The following NOS1AP variants were observed in gnomAD, a reference collection of about 807,000 sequenced individuals.
NOS1AP encodes nitric oxide synthase 1 adaptor protein, also known as carboxyl-terminal PDZ ligand of neuronal nitric oxide synthase protein.
Under a neutral mutation model 56.2 loss-of-function variants are expected in NOS1AP, and 21 were observed. The ratio of observed to expected loss-of-function variants is 0.37; its 90% CI spans 0.26 to 0.54. NOS1AP has a LOEUF of 0.54. Ranked by LOEUF, NOS1AP falls within the 20% of genes least tolerant of loss-of-function variation. The pLI is 0.84. For missense variants in NOS1AP, 522 were observed against 657.8 expected (o/e 0.79, Z 2.26); for synonymous variants, 270 against 274.6 (o/e 0.98, Z 0.17).
In NOS1AP at chr1:162,274,247, C is replaced by T. The variant is rs532566691; in HGVS notation, c.178-13097C>T. Among the ~76,000 whole-genome samples, 319 of 152,284 alleles carry T rather than the reference C, an allele frequency of 2.1e-3. 1 individual carries two copies. The highest frequency in any genetic ancestry group is 7.1e-3 in the African/African-American group (297 of 41,550). On this transcript the variant is annotated intron_variant, in intron 2 of 9. Coordinates refer to ENST00000361897, the MANE Select transcript of NOS1AP (RefSeq NM_014697.3). ...CGTCTGTTGTGCTGGACCCTGTTGACTTCAGTAGGGATGGCACCAGGTTCA... is the reference window on the plus strand; with the variant it reads ...CGTCTGTTGTGCTGGACCCTGTTGATTTCAGTAGGGATGGCACCAGGTTCA...
intron 1 of NOS1AP, among the ~76,000 whole-genome samples, chr1:162,084,671 T>C (rs1357402716): frequency 1.3e-5 from 2 of 152,018 alleles, no homozygotes; most frequent in African/African-American, 4.8e-5. Context: ...CCACAGTTTT[T>C]TTCTCTTCTC....
chr1:162,167,473 C>G (rs1650555201), intron 2 of NOS1AP, among the ~76,000 whole-genome samples: 1 of 152,198 alleles, frequency 6.6e-6, no homozygotes, highest in East Asian at 1.9e-4. Context: ...GAGAGCTGGG[C>G]TCTGGACCGG....
intron 2 of NOS1AP, among the ~76,000 whole-genome samples, chr1:162,222,991 C>A (rs1652830703): frequency 6.6e-6 from 1 of 152,160 alleles, no homozygotes; most frequent in East Asian, 1.9e-4. Flanking sequence ...ATGAATAAAC[C>A]CACCTGTTGT....
chr1:162,122,285 C>G (rs939207778), intron 1 of NOS1AP, among the ~76,000 whole-genome samples: 1 of 152,154 alleles, frequency 6.6e-6, no homozygotes, highest in African/African-American at 2.4e-5. Flanking sequence ...GTGAAATAAA[C>G]TCTTTGGTGG....
At chr1:162,114,705 G>T (rs1242981235) in intron 1 of NOS1AP, among the ~76,000 whole-genome samples, 1 of 152,142 alleles carries the variant, frequency 6.6e-6, no homozygotes, top group Non-Finnish European at 1.5e-5. Context: ...GACATAATAA[G>T]GGCTAAAGTC....
At chr1:162,130,276 T>G (rs2102062375) in intron 1 of NOS1AP, among the ~76,000 whole-genome samples, 1 of 152,348 alleles carries the variant, frequency 6.6e-6, no homozygotes, top group Middle Eastern at 3.4e-3. Context: ...AGTTAAGATC[T>G]CTCAGCCTGT....
At chr1:162,129,572 G>A (rs1432576242) in intron 1 of NOS1AP, among the ~76,000 whole-genome samples, 5 of 152,138 alleles carry the variant, frequency 3.3e-5, no homozygotes, top group Non-Finnish European at 4.4e-5. Flanking sequence ...TTAGCAAATC[G>A]TACAGTCCCT....
chr1:162,181,508 T>C (rs1291975197), intron 2 of NOS1AP, among the ~76,000 whole-genome samples: 1 of 152,214 alleles, frequency 6.6e-6, no homozygotes, highest in Non-Finnish European at 1.5e-5. Context: ...ATTTGCATAA[T>C]TTTTACTTCA....
chr1:162,155,366 A>G (rs1463720218), intron 2 of NOS1AP, among the ~76,000 whole-genome samples: 1 of 62,186 alleles, frequency 1.6e-5, no homozygotes, highest in East Asian at 4.8e-4. Context: ...ATGTGTATAT[A>G]TATATAGAGA....
At chr1:162,085,750 T>C (rs953296830) in intron 1 of NOS1AP, among the ~76,000 whole-genome samples, 3 of 152,164 alleles carry the variant, frequency 2.0e-5, no homozygotes, top group Non-Finnish European at 2.9e-5. Context: ...TGAGACAAGA[T>C]GGTGACTTGA....
chr1:162,261,005 C>T (rs1379864235), intron 2 of NOS1AP, among the ~76,000 whole-genome samples: 1 of 101,752 alleles, frequency 9.8e-6, no homozygotes, highest in African/African-American at 3.7e-5. Flanking sequence ...TGTTATATTC[C>T]CAAGGTGACT....
chr1:162,138,051 A>G (rs1383355839), intron 1 of NOS1AP, among the ~76,000 whole-genome samples: 1 of 152,176 alleles, frequency 6.6e-6, no homozygotes, highest in Non-Finnish European at 1.5e-5. Flanking sequence ...ATACATTGAC[A>G]CCTTTTTTTA....
chr1:162,100,307 T>G (rs1692353723), intron 1 of NOS1AP, among the ~76,000 whole-genome samples: 1 of 152,076 alleles, frequency 6.6e-6, no homozygotes. Flanking sequence ...GTTTCCTGAC[T>G]TTTTAATGAT....
intron 2 of NOS1AP, among the ~76,000 whole-genome samples, chr1:162,255,670 A>G (rs943737830): frequency 6.6e-6 from 1 of 152,074 alleles, no homozygotes; most frequent in African/African-American, 2.4e-5. Context: ...TGGAACCAGC[A>G]AGGTCAAATG....
At chr1:162,364,320 C>T in intron 8 of NOS1AP, 1 of 985,436 alleles carries the variant, frequency 1.0e-6, no homozygotes, top group Non-Finnish European at 1.2e-6. Flanking sequence ...TTGGTCCAGG[C>T]CATAAAAATT....
intron 1 of NOS1AP, among the ~76,000 whole-genome samples, chr1:162,144,354 T>C (rs1649361035): frequency 6.6e-6 from 1 of 152,254 alleles, no homozygotes; most frequent in Non-Finnish European, 1.5e-5. Context: ...TTTCATTCTT[T>C]CTCTGAGCCT....
chr1:162,232,763 ATG>A (rs1653163633), intron 2 of NOS1AP, among the ~76,000 whole-genome samples: 6 of 80,042 alleles, frequency 7.5e-5, no homozygotes, highest in Admixed American at 6.5e-4. Context: ...TTGCTTTATT[ATG>A]TACCTATTAT....
At chr1:162,271,100 C>A (rs1055305708) in intron 2 of NOS1AP, among the ~76,000 whole-genome samples, 5 of 152,076 alleles carry the variant, frequency 3.3e-5, no homozygotes, top group African/African-American at 1.2e-4. Flanking sequence ...GTGATCAGTA[C>A]CTGTTATATA....
At position 162,113,285 on chromosome 1, in the gene NOS1AP, G is replaced by A. The variant is rs115810064; in HGVS notation, c.106-41120G>A. Among the ~76,000 whole-genome samples, 1,043 of 152,296 alleles carry A rather than the reference G, an allele frequency of 6.8e-3. 14 individuals carry two copies. The highest frequency in any genetic ancestry group is 0.024 in the African/African-American group (993 of 41,562). ...AATTGTTGGAGCATTACTGGAGGCA[G>A]TCCAGGCATGACTTGGTTGTTAGGA... On this transcript the variant is annotated intron_variant, in intron 1 of 9. Coordinates refer to ENST00000361897, the MANE Select transcript of NOS1AP (RefSeq NM_014697.3).
Sources: allele counts gnomAD v4.1 joint callset (sites outside exome capture counted in the v4.1 genomes callset), GRCh38; gene constraint gnomAD v4.1.1; transcripts MANE v1.5; gene names NCBI Gene and HGNC (gene_info 2026-07-23, HGNC 2026-07-21).